Variants in PLEKHA7 observed in about 807,000 individuals in gnomAD.
PLEKHA7 encodes pleckstrin homology domain-containing family A member 7.
Under a neutral mutation model 170.0 loss-of-function variants are expected in PLEKHA7, and 104 were observed. The observed-to-expected ratio is 0.61, with a 90% CI of 0.52 to 0.72. The LOEUF (loss-of-function observed/expected upper bound fraction) is 0.72. Ranked by LOEUF, PLEKHA7 falls within the 30% of genes least tolerant of loss-of-function variation. The probability of loss-of-function intolerance (pLI) is 0.00; values close to 1 mark genes in which losing one functional copy is unlikely to be tolerated. For synonymous variants in PLEKHA7, 648 were observed against 660.8 expected, an observed-to-expected ratio of 0.98 and a Z score of 0.30; for missense variants, 1,615 against 1,671.7, an observed-to-expected ratio of 0.97 and a Z score of 0.59.
At chr11:16,925,937 G>C (rs1289520361) in intron 3 of PLEKHA7, among the ~76,000 whole-genome samples, 2 of 152,230 alleles carry the variant, frequency 1.3e-5, no homozygotes, top group Non-Finnish European at 2.9e-5. Flanking sequence ...AGGGCGGAGG[G>C]GCAGGACCTG....
intron 10 of PLEKHA7, among the ~76,000 whole-genome samples, chr11:16,825,008 T>C (rs1338467007): frequency 6.6e-6 from 1 of 152,212 alleles, no homozygotes; most frequent in Non-Finnish European, 1.5e-5. Flanking sequence ...CATTCTCAGT[T>C]GGGAATGGGA....
chr11:16,788,290 G>C (rs1849538938), intron 23 of PLEKHA7: 1 of 152,414 alleles, frequency 6.6e-6, no homozygotes, highest in Admixed American at 6.5e-5. Flanking sequence ...GACAAGAACC[G>C]CTATTACAAG....
intron 10 of PLEKHA7, among the ~76,000 whole-genome samples, chr11:16,822,632 C>T (rs548076616): frequency 1.0e-3 from 158 of 152,174 alleles, no homozygotes; most frequent in Non-Finnish European, 1.8e-3. Context: ...CTCCAGTTTT[C>T]CTCCCCCATC....
At chr11:16,898,243 T>G (rs12708338) in intron 3 of PLEKHA7, among the ~76,000 whole-genome samples, 22,791 of 152,206 alleles carry the variant, frequency 0.15, 1,903 homozygotes, top group African/African-American at 0.2. Flanking sequence ...TATCAAACAT[T>G]ATGAAACTAG....
At chr11:16,820,851 C>T (rs1938595418) in intron 10 of PLEKHA7, among the ~76,000 whole-genome samples, 2 of 152,126 alleles carry the variant, frequency 1.3e-5, no homozygotes, top group Admixed American at 6.6e-5. Context: ...TGGAATGACC[C>T]CAAGGTACCA....
At chr11:16,873,977 T>C (rs1305943504) in intron 3 of PLEKHA7, among the ~76,000 whole-genome samples, 1 of 152,204 alleles carries the variant, frequency 6.6e-6, no homozygotes, top group Non-Finnish European at 1.5e-5. Flanking sequence ...CAGCTTTTTC[T>C]AGAGACTTAT....
At chr11:16,992,434 C>A (rs1330507058) in intron 3 of PLEKHA7, among the ~76,000 whole-genome samples, 2 of 152,168 alleles carry the variant, frequency 1.3e-5, no homozygotes, top group African/African-American at 2.4e-5. Context: ...TAATATGCCA[C>A]CTGCAGGATT....
chr11:16,856,000 T>C (rs1057252401), intron 4 of PLEKHA7, 86 bp from the exon 5 acceptor site: 3 of 1,157,376 alleles, frequency 2.6e-6, no homozygotes, highest in East Asian at 4.7e-5. Flanking sequence ...TAGGAATCGG[T>C]TGTTGGGCCT....
rs2134712945 is a variant in PLEKHA7 at position 16,817,052 on chromosome 11, T to C, written c.1614A>G (p.Thr538=). Reference sequence around the variant, plus strand: ...CTGGGGAGCCAAGGCAGATGGGCGCTGTGGGGCTGCCGTGCCGGAACTGCT... The same window carrying C: ...CTGGGGAGCCAAGGCAGATGGGCGCCGTGGGGCTGCCGTGCCGGAACTGCT... ...QRQQFRHGSP[T]APICLGSPEF... Residue 538 remains threonine, a synonymous_variant, in exon 11 of 27, where the codon ACA becomes ACG. Coordinates refer to ENST00000531066, the MANE Select transcript of PLEKHA7 (RefSeq NM_001329630.2). The surrounding 1 kb of genome is among the most constrained non-coding windows in gnomAD (Gnocchi z 4.4). The C allele has an allele frequency of 6.2e-7, 1 of 1,610,102 alleles. No individual in the cohort carries two copies. Among genetic ancestry groups the C allele is most frequent in the African/African-American group, 1.3e-5 (1 of 75,038 alleles).
intron 17 of PLEKHA7, among the ~76,000 whole-genome samples, chr11:16,797,802 C>G (rs1443823308): frequency 6.6e-6 from 1 of 152,196 alleles, no homozygotes; most frequent in Non-Finnish European, 1.5e-5. Context: ...AGTCCTCTTC[C>G]TCCTCCATAG....
At chr11:17,005,788 T>A (rs538523753) in intron 3 of PLEKHA7, among the ~76,000 whole-genome samples, 6 of 152,316 alleles carry the variant, frequency 3.9e-5, no homozygotes, top group Middle Eastern at 6.8e-3. Context: ...TTTCGCTTTC[T>A]AAACAACACT....
At chr11:16,874,935 G>A (rs531945320) in intron 3 of PLEKHA7, among the ~76,000 whole-genome samples, 2 of 152,240 alleles carry the variant, frequency 1.3e-5, no homozygotes, top group African/African-American at 2.4e-5. Flanking sequence ...TGGGCTCCCC[G>A]TCCCAACCTG....
At chr11:16,861,587 T>C (rs1435263038) in intron 4 of PLEKHA7, among the ~76,000 whole-genome samples, 1 of 152,064 alleles carries the variant, frequency 6.6e-6, no homozygotes, top group Non-Finnish European at 1.5e-5. Context: ...AGGCAGAGGC[T>C]GTAGTGAGCC....
intron 9 of PLEKHA7, among the ~76,000 whole-genome samples, chr11:16,830,275 T>C (rs981716634): frequency 2.6e-5 from 4 of 152,176 alleles, no homozygotes; most frequent in African/African-American, 9.7e-5. Context: ...CCAACCACTG[T>C]GCCAGGCCTA....
intron 3 of PLEKHA7, among the ~76,000 whole-genome samples, chr11:17,008,101 A>C (rs10832721): frequency 0.63 from 95,509 of 151,920 alleles, 30,727 homozygotes; most frequent in East Asian, 0.96. Flanking sequence ...TCCAAGCCTC[A>C]GAAATGTCTT....
intron 15 of PLEKHA7, among the ~76,000 whole-genome samples, chr11:16,802,587 G>A (rs975823001): frequency 1.3e-5 from 2 of 151,248 alleles, no homozygotes; most frequent in Non-Finnish European, 1.5e-5. Context: ...TTCCTCTGTT[G>A]CCTAGGCTGG....
chr11:16,851,071 C>A, intron 8 of PLEKHA7, 120 bp downstream of exon 8: 1 of 636,556 alleles, frequency 1.6e-6, no homozygotes. Flanking sequence ...CTTTGTTAAC[C>A]GGAATCTGAA....
chr11:16,952,187 T>C (rs1006043535), intron 3 of PLEKHA7, among the ~76,000 whole-genome samples: 1 of 152,176 alleles, frequency 6.6e-6, no homozygotes, highest in Non-Finnish European at 1.5e-5. Context: ...CAACTCTGAG[T>C]AGCTGTGTGA....
chr11:16,990,479 T>G (rs1863981601), intron 3 of PLEKHA7, among the ~76,000 whole-genome samples: 1 of 152,166 alleles, frequency 6.6e-6, no homozygotes, highest in Non-Finnish European at 1.5e-5. Flanking sequence ...CTTCATGGCC[T>G]GCTTATGAGT....
Sources: allele counts gnomAD v4.1 joint callset (sites outside exome capture counted in the v4.1 genomes callset), GRCh38; gene constraint gnomAD v4.1.1; non-coding constraint Gnocchi (gnomAD v3.1); transcripts MANE v1.5; gene names NCBI Gene and HGNC (gene_info 2026-07-23, HGNC 2026-07-21).